Variants in MDGA2 observed in about 807,000 individuals in gnomAD.
The protein encoded by MDGA2 is MAM domain containing glycosylphosphatidylinositol anchor 2, also known as MAM domain-containing glycosylphosphatidylinositol anchor protein 2.
In MDGA2, 40 loss-of-function variants were observed where a neutral mutation model predicts 117.8. The ratio of observed to expected loss-of-function variants is 0.34; its 90% CI spans 0.26 to 0.44. The LOEUF is 0.44. MDGA2 is among the 20% of genes least tolerant of loss of function. The pLI, the probability that MDGA2 is intolerant of heterozygous loss-of-function variation, is 1.00. For missense variants in MDGA2, 1,123 were observed against 1,250.6 expected, an observed-to-expected ratio of 0.90 and a Z score of 1.54; for synonymous variants, 452 against 439.0, an observed-to-expected ratio of 1.03 and a Z score of -0.37.
At chr14:47,626,105 T>C (rs542277808) in intron 1 of MDGA2, among the ~76,000 whole-genome samples, 1 of 152,362 alleles carries the variant, frequency 6.6e-6, no homozygotes, top group East Asian at 1.9e-4. Flanking sequence ...TTTGATTAGA[T>C]GCCCTCTTGG....
At chr14:47,663,429 T>A (rs6572442) in intron 1 of MDGA2, among the ~76,000 whole-genome samples, 1 of 152,194 alleles carries the variant, frequency 6.6e-6, no homozygotes, top group African/African-American at 2.4e-5. Flanking sequence ...ACATGGAGAA[T>A]AATAATTGAA....
chr14:47,275,204 C>T (rs4900734), intron 2 of MDGA2, among the ~76,000 whole-genome samples: 41,568 of 152,118 alleles, frequency 0.27, 6,514 homozygotes, highest in Admixed American at 0.46. Flanking sequence ...TCCAGACAGA[C>T]GTTAGCGAAC....
chr14:47,548,498 T>C (rs75672955), intron 1 of MDGA2, among the ~76,000 whole-genome samples: 134 of 152,288 alleles, frequency 8.8e-4, no homozygotes, highest in African/African-American at 3.1e-3. Flanking sequence ...GTTACATGCA[T>C]CCATAGAAGT....
intron 1 of MDGA2, among the ~76,000 whole-genome samples, chr14:47,583,460 A>T (rs567401747): frequency 4.7e-4 from 71 of 151,912 alleles, no homozygotes; most frequent in Non-Finnish European, 9.4e-4. Flanking sequence ...TTCAGCTGTC[A>T]GACTTTGGGA....
At chr14:46,940,207 G>T (rs1884944109) in intron 9 of MDGA2, among the ~76,000 whole-genome samples, 1 of 152,076 alleles carries the variant, frequency 6.6e-6, no homozygotes, top group African/African-American at 2.4e-5. Context: ...CAAAGATAAG[G>T]ATTGACTAAA....
chr14:47,273,062 C>A (rs1281338016), intron 2 of MDGA2, among the ~76,000 whole-genome samples: 1 of 151,978 alleles, frequency 6.6e-6, no homozygotes, highest in Non-Finnish European at 1.5e-5. Context: ...CTCTTGACCC[C>A]CTTTTTAGTC....
At chr14:47,544,966 G>A (rs1955806) in intron 1 of MDGA2, among the ~76,000 whole-genome samples, 95,592 of 151,984 alleles carry the variant, frequency 0.63, 31,060 homozygotes, top group East Asian at 0.99. Context: ...TGATACCAAG[G>A]TAAGTGAGTA....
intron 1 of MDGA2, among the ~76,000 whole-genome samples, chr14:47,407,196 C>A (rs1182192467): frequency 6.6e-6 from 1 of 152,030 alleles, no homozygotes; most frequent in Non-Finnish European, 1.5e-5. Context: ...ATTTAAGATT[C>A]TGGTGTATTT....
At chr14:47,563,645 G>C (rs1594919740) in intron 1 of MDGA2, among the ~76,000 whole-genome samples, 1 of 82,600 alleles carries the variant, frequency 1.2e-5, no homozygotes, top group East Asian at 3.5e-4. Context: ...TCTTTACTTT[G>C]AGCCTATGAT....
chr14:47,436,366 A>G (rs1892898486), intron 1 of MDGA2, among the ~76,000 whole-genome samples: 1 of 152,144 alleles, frequency 6.6e-6, no homozygotes, highest in Non-Finnish European at 1.5e-5. Flanking sequence ...ACTGAGTTTC[A>G]TAATGTTACA....
intron 2 of MDGA2, among the ~76,000 whole-genome samples, chr14:47,271,526 T>A (rs992788385): frequency 6.6e-6 from 1 of 152,112 alleles, no homozygotes; most frequent in African/African-American, 2.4e-5. Flanking sequence ...AACAGACTGA[T>A]TTGAAAGATG....
intron 1 of MDGA2, among the ~76,000 whole-genome samples, chr14:47,416,199 T>C (rs968174427): frequency 3.3e-5 from 5 of 152,098 alleles, no homozygotes; most frequent in East Asian, 1.9e-4. Context: ...CTGAGGGAAA[T>C]TGATCTGTAG....
chr14:46,971,247 G>A (rs191657608), intron 8 of MDGA2, among the ~76,000 whole-genome samples: 1 of 152,020 alleles, frequency 6.6e-6, no homozygotes, highest in Admixed American at 6.6e-5. Context: ...ATATCAAAGG[G>A]ATACGTACCT....
chr14:47,440,871 C>A (rs1892995708), intron 1 of MDGA2, among the ~76,000 whole-genome samples: 1 of 151,978 alleles, frequency 6.6e-6, no homozygotes, highest in African/African-American at 2.4e-5. Context: ...TTACCTCTGC[C>A]CTTTACCCTT....
intron 1 of MDGA2, among the ~76,000 whole-genome samples, chr14:47,521,701 T>C (rs1894870795): frequency 6.6e-6 from 1 of 152,222 alleles, no homozygotes; most frequent in African/African-American, 2.4e-5. Flanking sequence ...AGATGGAGTC[T>C]TACTCTGTCA....
chr14:47,400,446 C>T (rs767947609), intron 1 of MDGA2, among the ~76,000 whole-genome samples: 11 of 151,834 alleles, frequency 7.2e-5, no homozygotes, highest in Admixed American at 3.3e-4. Flanking sequence ...TATCTGGCTC[C>T]GATTTAAAAT....
intron 10 of MDGA2, among the ~76,000 whole-genome samples, chr14:46,908,740 A>G (rs2138473384): frequency 6.6e-6 from 1 of 152,308 alleles, no homozygotes; most frequent in Non-Finnish European, 1.5e-5. Context: ...TAGGTAATTT[A>G]CCTTACCTCA....
chr14:47,457,995 T>A (rs1222804373), intron 1 of MDGA2, among the ~76,000 whole-genome samples: 3 of 133,560 alleles, frequency 2.2e-5, no homozygotes, highest in Non-Finnish European at 4.8e-5. Flanking sequence ...TTCCATAAGA[T>A]GTCTTCCCCA....
intron 1 of MDGA2, among the ~76,000 whole-genome samples, chr14:47,444,874 T>C (rs1005076579): frequency 6.6e-6 from 1 of 151,854 alleles, no homozygotes; most frequent in Non-Finnish European, 1.5e-5. Flanking sequence ...AAGGGAGGAG[T>C]TGTACATTGA....
Sources: gnomAD v4.1 joint callset for allele counts (sites outside exome capture counted in the v4.1 genomes callset) on GRCh38, gnomAD v4.1.1 for gene constraint, MANE v1.5 for transcripts, NCBI Gene and HGNC (gene_info 2026-07-23, HGNC 2026-07-21) for gene names.